POLE: variants seen among roughly 807,000 people sequenced by gnomAD.
POLE encodes DNA polymerase epsilon catalytic subunit A.
Under a neutral mutation model 279.2 loss-of-function variants are expected in POLE, and 188 were observed. The observed-to-expected ratio is 0.67, with a 90% CI of 0.60 to 0.76. The LOEUF is 0.76. Ranked by LOEUF, POLE falls within the 30% of genes least tolerant of loss-of-function variation. The pLI, the probability that POLE is intolerant of heterozygous loss-of-function variation, is 0.00. For missense variants in POLE, 2,703 were observed against 3,016.7 expected (o/e 0.90, Z 2.44); for synonymous variants, 1,214 against 1,172.5 (o/e 1.04, Z -0.72).
Position 132,641,773 on chromosome 12 carries a change from G to T in POLE, c.5252C>A (p.Ala1751Asp), listed in dbSNP as rs1555222349. 1 of 1,609,502 alleles carries T rather than the reference G, an allele frequency of 6.2e-7. No homozygotes were observed. ...GTCGAAGCTGATCCCCATGCTGTCGGCCCCCTCCATGTCGTTGACATGGTG... is the reference window on the plus strand; with the variant it reads ...GTCGAAGCTGATCCCCATGCTGTCGTCCCCCTCCATGTCGTTGACATGGTG... ...QSHHVNDMEG[A>D]DSMGISFDVI... The change falls in exon 39 of 49, where the codon GCC (alanine) becomes GAC (aspartate). Residue 1751 changes from alanine (A) to aspartate (D), a missense_variant. By Grantham distance (126) the Ala-to-Asp change is moderately radical. This residue lies in a region of POLE where 1,551 missense variants were observed against 1,686.1 expected (regional missense o/e 0.92). Transcript: ENST00000320574.
intron 12 of POLE, among the ~76,000 whole-genome samples, chr12:132,674,803 G>C (rs2043006138): frequency 6.6e-6 from 1 of 151,858 alleles, no homozygotes; most frequent in Admixed American, 6.6e-5. Context: ...GGCCGTGGAG[G>C]CCCCTCCATT....
chr12:132,657,525 T>C, intron 27 of POLE, 96 bp from the exon 28 acceptor site: 1 of 1,003,358 alleles, frequency 1.0e-6, no homozygotes, highest in Non-Finnish European at 1.5e-6. Context: ...CACTGTGTCT[T>C]ATTTAATCCT....
rs2043076904 is a variant in POLE, at chr12:132,677,355, A to T, written c.801+8T>A. ...TTTTAGGATGAAGGTAACACAAGCA[A>T]AACTTACAGGTCGTTCAACAAGGTC... is the stretch of plus-strand genomic sequence containing the variant. On this transcript the variant is annotated splice_region_variant and intron_variant, in intron 8 of 48. Coordinates refer to ENST00000320574, the MANE Select transcript of POLE (RefSeq NM_006231.4). 6.2e-7 allele frequency: 1 copy of T among 1,611,686 alleles called. No individual in the cohort carries two copies. Among genetic ancestry groups the T allele is most frequent in the Non-Finnish European group, 8.5e-7 (1 of 1,177,748 alleles).
At position 132,661,515 on chromosome 12, in the gene POLE, T is replaced by C. The variant is rs1565958327; in HGVS notation, c.2864+12A>G. ...TGTCCTTTCTAAAGCACAAAAGCTATGAGAGTCCCACCTCTTCTTCAATTT... is the reference window on the plus strand; with the variant it reads ...TGTCCTTTCTAAAGCACAAAAGCTACGAGAGTCCCACCTCTTCTTCAATTT... On this transcript the variant is annotated intron_variant, in intron 24 of 48. Coordinates refer to ENST00000320574, the MANE Select transcript of POLE (RefSeq NM_006231.4). The surrounding 1 kb of genome is among the most constrained non-coding windows in gnomAD (Gnocchi z 4.1). 1 of 1,613,536 alleles carries C rather than the reference T, an allele frequency of 6.2e-7. No individual in the cohort carries two copies. Among genetic ancestry groups the C allele is most frequent in the East Asian group, 2.2e-5 (1 of 44,890 alleles).
Position 132,657,170 on chromosome 12 carries a change from ATCT to A in POLE, c.3545_3547del (p.Lys1182del), listed in dbSNP as rs1555225139. 8 of 1,613,612 alleles carry A rather than the reference ATCT, an allele frequency of 5.0e-6. No homozygotes were observed. The highest frequency in any genetic ancestry group is 1.3e-5 in the African/African-American group (1 of 74,722). On this transcript the variant is annotated inframe_deletion, in exon 29 of 49. Transcript: ENST00000320574. ...GCCCTCCAGGGTGAAGAGCTCACTG[ATCT>A]TCTTCTGCTTGTAGACATCATTCTT...
intron 32 of POLE, among the ~76,000 whole-genome samples, chr12:132,648,096 G>C (rs930712919): frequency 6.6e-6 from 1 of 152,116 alleles, no homozygotes; most frequent in Admixed American, 6.6e-5. Context: ...CGGGGAGTTC[G>C]GGTGGAGATG....
intron 34 of POLE, 25 bp downstream of exon 34, chr12:132,643,382 G>T: frequency 1.2e-6 from 2 of 1,614,228 alleles, no homozygotes; most frequent in Non-Finnish European, 1.7e-6. Flanking sequence ...GCAGGCACAT[G>T]ATGGGCGGCT....
rs146439958 is a variant in POLE at position 132,667,026 on chromosome 12, G to A, written c.2319+477C>T. Among the ~76,000 whole-genome samples, 292 of 152,166 alleles carry A rather than the reference G, an allele frequency of 1.9e-3. 1 individual carries two copies. Among genetic ancestry groups the A allele is most frequent in the African/African-American group, 6.1e-3 (252 of 41,514 alleles). On this transcript the variant is annotated intron_variant, in intron 20 of 48. Coordinates refer to ENST00000320574, the MANE Select transcript of POLE (RefSeq NM_006231.4). Reference sequence around the variant, plus strand: ...CTGATCAGATATAAAATAATGACCCGTTGGTATCAAAACAGAGGTGTTGCT... The same window carrying A: ...CTGATCAGATATAAAATAATGACCCATTGGTATCAAAACAGAGGTGTTGCT...
At chr12:132,642,132 A>G (rs905308483) in intron 38 of POLE, 45 bp downstream of exon 38, 2 of 1,437,420 alleles carry the variant, frequency 1.4e-6, no homozygotes, top group Non-Finnish European at 9.5e-7. Flanking sequence ...AGAATGGCAG[A>G]AACACCAGCC....
intron 16 of POLE, among the ~76,000 whole-genome samples, chr12:132,670,868 A>C (rs905911692): frequency 1.3e-5 from 2 of 152,232 alleles, no homozygotes; most frequent in African/African-American, 4.8e-5. Flanking sequence ...TCCCTGAAGT[A>C]TAATAATGGA....
intron 21 of POLE, 109 bp downstream of exon 21, chr12:132,665,193 T>C: frequency 8.4e-7 from 1 of 1,186,366 alleles, no homozygotes; most frequent in Non-Finnish European, 1.2e-6. Context: ...CAACATTCCT[T>C]GAATCAGATG....
intron 45 of POLE, among the ~76,000 whole-genome samples, chr12:132,628,496 A>G: frequency 6.6e-6 from 1 of 152,008 alleles, no homozygotes; most frequent in Non-Finnish European, 1.5e-5. Context: ...TACAAAAATT[A>G]GCTGAGCATT....
intron 1 of POLE, among the ~76,000 whole-genome samples, chr12:132,682,866 T>C (rs1340115573): frequency 6.6e-6 from 1 of 151,676 alleles, no homozygotes; most frequent in Admixed American, 6.6e-5. Flanking sequence ...GGCAGGAGAA[T>C]GGCGTGAATC....
Position 132,642,634 on chromosome 12 carries a change from C to T in POLE, c.4824G>A (p.Leu1608=), listed in dbSNP as rs775500326. 3 of 1,613,382 alleles carry T rather than the reference C, an allele frequency of 1.9e-6. No individual in the cohort carries two copies. The highest frequency in any genetic ancestry group is 1.1e-5 in the South Asian group (1 of 91,088). The change falls in exon 37 of 49, where the codon CTG becomes CTA. Residue 1608 remains leucine (L), a synonymous_variant. Transcript: ENST00000320574. ...TCTTGTCAGCCACACAGATAGGCAC[C>T]AGTGGGAATTCCTCCAAGACAGGAA... ...SEIPVLEEFP[L]VPICVADKIN...
intron 32 of POLE, 45 bp from the exon 33 acceptor site, chr12:132,644,022 A>T (rs2138563516): frequency 6.3e-7 from 1 of 1,596,036 alleles, no homozygotes; most frequent in Non-Finnish European, 8.6e-7. Flanking sequence ...CGTAAGTGGT[A>T]ATGTCTGTGG....
rs1593073030 is a variant in POLE at position 132,673,583 on chromosome 12, G to A, written c.1351C>T (p.Gln451Ter). The change falls in exon 13 of 49, where the codon CAG (glutamine) becomes TAG (stop). Residue 451 changes from glutamine (Q) to a stop codon, truncating the protein, a stop_gained. Coordinates refer to ENST00000320574, the MANE Select transcript of POLE (RefSeq NM_006231.4). LOFTEE classifies it high-confidence loss of function. The part of the protein sequence containing the change: ...PEDMCRMATE[Q>*]PQTLATYSVS... The stretch of plus-strand genomic sequence containing the variant: ...GGATGTGGCTTACGTGCCTGGGGCT[G>A]CTCCGTGGCCATCCGGCACATGTCC... The A allele has an allele frequency of 6.2e-7, 1 of 1,612,230 alleles. No individual in the cohort carries two copies. The highest frequency in any genetic ancestry group is 8.5e-7 in the Non-Finnish European group (1 of 1,179,982).
At chr12:132,673,849 G>T in intron 12 of POLE, 142 bp from the exon 13 acceptor site, 1 of 854,614 alleles carries the variant, frequency 1.2e-6, no homozygotes, top group Non-Finnish European at 1.9e-6. Flanking sequence ...GGCCCCACAT[G>T]GTGTAGACAC....
chr12:132,636,664 G>A (rs1377095669), intron 41 of POLE, among the ~76,000 whole-genome samples: 2 of 152,084 alleles, frequency 1.3e-5, no homozygotes, highest in Admixed American at 6.6e-5. Context: ...GCTGAGGTGG[G>A]CAGATAGCTT....
chr12:132,625,371 T>G (rs1308630999), intron 47 of POLE: 1 of 735,926 alleles, frequency 1.4e-6, no homozygotes, highest in Non-Finnish European at 2.5e-6. Flanking sequence ...TGCAACTCCC[T>G]CTTCCTCCTT....
Sources: gnomAD v4.1 joint callset for allele counts (sites outside exome capture counted in the v4.1 genomes callset) on GRCh38, gnomAD v4.1.1 for gene constraint, gnomAD v4.1.1 regional missense constraint, Gnocchi (gnomAD v3.1) non-coding constraint, MANE v1.5 for transcripts, NCBI Gene and HGNC (gene_info 2026-07-23, HGNC 2026-07-21) for gene names.